The following RBMS1 variants were observed in gnomAD, a reference collection of about 807,000 sequenced individuals.
The protein encoded by RBMS1 is RNA-binding motif, single-stranded-interacting protein 1.
Under a neutral mutation model 62.3 loss-of-function variants are expected in RBMS1, and 17 were observed. The ratio of observed to expected loss-of-function variants is 0.27; its 90% confidence interval spans 0.19 to 0.41. The LOEUF (loss-of-function observed/expected upper bound fraction) is 0.41. Ranked by LOEUF, RBMS1 falls within the 10% of genes least tolerant of loss-of-function variation. The pLI, the probability that RBMS1 is intolerant of heterozygous loss-of-function variation, is 1.00. For missense variants in RBMS1, 334 were observed against 504.5 expected (o/e 0.66, Z 3.24); for synonymous variants, 172 against 170.0 (o/e 1.01, Z -0.09).
chr2:160,351,935 C>T (rs2106006520), intron 2 of RBMS1, among the ~76,000 whole-genome samples: 1 of 152,040 alleles, frequency 6.6e-6, no homozygotes, highest in East Asian at 1.9e-4. Flanking sequence ...AGGCTGCTGG[C>T]AAAAATATAT....
chr2:160,318,641 A>G (rs1158142189), intron 2 of RBMS1, among the ~76,000 whole-genome samples: 1 of 152,244 alleles, frequency 6.6e-6, no homozygotes, highest in East Asian at 1.9e-4. Flanking sequence ...AGCTTTTATG[A>G]AATAGTAACA....
chr2:160,305,711 A>G (rs969339268), intron 4 of RBMS1, among the ~76,000 whole-genome samples: 1 of 152,182 alleles, frequency 6.6e-6, no homozygotes, highest in Admixed American at 6.5e-5. Context: ...CAGGGGAATG[A>G]TATGATCAAA....
intron 2 of RBMS1, among the ~76,000 whole-genome samples, chr2:160,341,068 G>A (rs555624268): frequency 6.6e-6 from 1 of 152,088 alleles, no homozygotes; most frequent in East Asian, 1.9e-4. Context: ...AGTTATTTTA[G>A]AGCTTAAAAA....
intron 2 of RBMS1, among the ~76,000 whole-genome samples, chr2:160,359,448 A>G (rs1559440714): frequency 6.6e-6 from 1 of 152,144 alleles, no homozygotes; most frequent in Non-Finnish European, 1.5e-5. Flanking sequence ...GGGTCCCCTA[A>G]CTCAAAATTC....
At position 160,320,633 on chromosome 2, in the gene RBMS1, C is replaced by T. The variant is rs145614710; in HGVS notation, c.252-2406G>A. The stretch of plus-strand genomic sequence containing the variant: ...ACTGGTTGTGCAAAGAGCCTGGTAC[C>T]TCCTCCTCTGTTTTCTTTCTCTATG... On this transcript the variant is annotated intron_variant, in intron 2 of 13. Coordinates refer to ENST00000348849, the MANE Select transcript of RBMS1 (RefSeq NM_016836.4). 4.1e-3 allele frequency among the ~76,000 whole-genome samples: 623 copies of T among 152,128 alleles called. 3 individuals carry two copies. The highest frequency in any genetic ancestry group is 0.014 in the African/African-American group (595 of 41,498).
chr2:160,456,815 G>GCCAC (rs1433453198), intron 1 of RBMS1, among the ~76,000 whole-genome samples: 3 of 152,008 alleles, frequency 2.0e-5, no homozygotes, highest in Non-Finnish European at 4.4e-5. Flanking sequence ...CTCCCCTTGA[G>GCCAC]CCACCCACTG....
At chr2:160,357,939 C>G (rs908813638) in intron 2 of RBMS1, among the ~76,000 whole-genome samples, 1 of 152,082 alleles carries the variant, frequency 6.6e-6, no homozygotes, top group African/African-American at 2.4e-5. Context: ...TCTGTGAAAT[C>G]TGGGGATTTC....
intron 1 of RBMS1, among the ~76,000 whole-genome samples, chr2:160,458,280 T>TA (rs1204527532): frequency 6.6e-6 from 1 of 152,106 alleles, no homozygotes; most frequent in Non-Finnish European, 1.5e-5. Flanking sequence ...TGTCAATATC[T>TA]AAAAAAACAG....
chr2:160,388,736 G>A (rs763825446), intron 1 of RBMS1, among the ~76,000 whole-genome samples: 17 of 152,096 alleles, frequency 1.1e-4, no homozygotes, highest in Admixed American at 8.5e-4. Context: ...AGCAATTTCC[G>A]GTTCCCTGAA....
intron 2 of RBMS1, among the ~76,000 whole-genome samples, chr2:160,359,609 A>T (rs1445364061): frequency 6.6e-6 from 1 of 152,174 alleles, no homozygotes; most frequent in Admixed American, 6.5e-5. Flanking sequence ...TTACATAGAG[A>T]TTTCAAAACA....
chr2:160,455,715 G>T (rs1157612229), intron 1 of RBMS1, among the ~76,000 whole-genome samples: 2 of 129,346 alleles, frequency 1.5e-5, no homozygotes, highest in Non-Finnish European at 3.1e-5. Flanking sequence ...ACGGAGTCTC[G>T]CTCTGTCGCC....
At chr2:160,288,033 C>T (rs1688493088) in intron 6 of RBMS1, among the ~76,000 whole-genome samples, 1 of 127,154 alleles carries the variant, frequency 7.9e-6, no homozygotes, top group Non-Finnish European at 1.7e-5. Flanking sequence ...AAGATATATA[C>T]TCATTAGAGT....
chr2:160,399,382 T>G (rs1695318692), intron 1 of RBMS1, among the ~76,000 whole-genome samples: 1 of 152,186 alleles, frequency 6.6e-6, no homozygotes, highest in Admixed American at 6.5e-5. Flanking sequence ...TGCCTACAAT[T>G]TAACTGACTT....
chr2:160,457,315 A>T (rs1337079495), intron 1 of RBMS1, among the ~76,000 whole-genome samples: 2 of 152,018 alleles, frequency 1.3e-5, no homozygotes, highest in Non-Finnish European at 1.5e-5. Context: ...TTTTTAGTAG[A>T]GACAGGGTTT....
chr2:160,354,446 G>C (rs1190254872), intron 2 of RBMS1, among the ~76,000 whole-genome samples: 2 of 152,076 alleles, frequency 1.3e-5, no homozygotes, highest in African/African-American at 4.8e-5. Flanking sequence ...CATATTAAGG[G>C]ACAGTGAAAA....
At chr2:160,324,261 GCA>G (rs75747766) in intron 2 of RBMS1, among the ~76,000 whole-genome samples, 116 of 151,226 alleles carry the variant, frequency 7.7e-4, no homozygotes, top group South Asian at 4.2e-3. Flanking sequence ...GCGTGCGCGT[GCA>G]CACACACACA....
intron 1 of RBMS1, among the ~76,000 whole-genome samples, chr2:160,449,558 T>G (rs1683870555): frequency 1.3e-5 from 2 of 152,312 alleles, no homozygotes; most frequent in African/African-American, 4.8e-5. Context: ...ACATGTGCTG[T>G]GTCCACTCAG....
intron 1 of RBMS1, among the ~76,000 whole-genome samples, chr2:160,480,362 G>A (rs1444806098): frequency 6.6e-6 from 1 of 152,066 alleles, no homozygotes; most frequent in African/African-American, 2.4e-5. Flanking sequence ...AGGTTTCAGT[G>A]GCAAGCTCCT....
At chr2:160,484,894 G>A (rs1685534321) in intron 1 of RBMS1, among the ~76,000 whole-genome samples, 1 of 151,452 alleles carries the variant, frequency 6.6e-6, no homozygotes. Flanking sequence ...AATTTACGAA[G>A]CATCAACGAA....
Sources: gnomAD v4.1 joint callset for allele counts (sites outside exome capture counted in the v4.1 genomes callset) on GRCh38, gnomAD v4.1.1 for gene constraint, MANE v1.5 for transcripts, NCBI Gene and HGNC (gene_info 2026-07-23, HGNC 2026-07-21) for gene names.